Variants in PTGFR observed in about 807,000 individuals in gnomAD.
PTGFR encodes the protein prostaglandin F2-alpha receptor.
A neutral mutation model predicts 26.2 loss-of-function variants in PTGFR; 15 were observed. The observed-to-expected ratio is 0.57, with a 90% confidence interval of 0.38 to 0.88. The LOEUF is 0.88. Among genes scored for constraint, PTGFR ranks in the 40% least tolerant of loss-of-function variants. PTGFR has a pLI of 0.00. For synonymous variants in PTGFR, 165 were observed against 151.1 expected, an observed-to-expected ratio of 1.09 and a Z score of -0.68; for missense variants, 369 against 427.2, an observed-to-expected ratio of 0.86 and a Z score of 1.20.
chr1:78,526,197 AAGTGG>A (rs1170973352), intron 2 of PTGFR, among the ~76,000 whole-genome samples: 20 of 152,120 alleles, frequency 1.3e-4, no homozygotes, highest in African/African-American at 4.8e-4. Flanking sequence ...CTTTATTTTA[AAGTGG>A]TCTCCTATTC....
At chr1:78,525,792 C>T (rs1382317312) in intron 2 of PTGFR, among the ~76,000 whole-genome samples, 2 of 151,980 alleles carry the variant, frequency 1.3e-5, no homozygotes, top group Admixed American at 6.6e-5. Context: ...AGGTGTCCAC[C>T]AGAACTAATA....
In PTGFR at chr1:78,532,313, G is replaced by A. The variant is rs139525767; in HGVS notation, c.799-4093G>A. ...CTTATACATGGGTGCTGGCTCAGAC[G>A]TGACACCTGAGGCTCCAGAACTGGA... On this transcript the variant is annotated intron_variant, in intron 2 of 2. Coordinates refer to ENST00000370757, the MANE Select transcript of PTGFR (RefSeq NM_000959.4). The A allele has an allele frequency of 2.5e-3, 556 of 220,300 alleles. 2 individuals carry two copies. The highest frequency in any genetic ancestry group is 0.013 in the African/African-American group (522 of 40,336). 13.6% of individuals were successfully genotyped at this position (220,300 alleles called of 1,614,324 possible). A position where few individuals can be genotyped will look rare whatever the true frequency, so the allele number is the denominator to read the frequency against.
At chr1:78,532,378 A>ATAT (rs1650532236) in intron 2 of PTGFR, 1 of 134,734 alleles carries the variant, frequency 7.4e-6, no homozygotes. Context: ...ATATATATAT[A>ATAT]TATATATATA....
intron 2 of PTGFR, among the ~76,000 whole-genome samples, chr1:78,533,443 T>C (rs554305706): frequency 6.6e-6 from 1 of 152,318 alleles, no homozygotes; most frequent in African/African-American, 2.4e-5. Context: ...GATTCTGTCT[T>C]CTCATGAGAG....
chr1:78,521,146 T>G (rs1334695649), intron 2 of PTGFR, among the ~76,000 whole-genome samples: 2 of 152,108 alleles, frequency 1.3e-5, no homozygotes, highest in Non-Finnish European at 2.9e-5. Flanking sequence ...CTGCAACCTT[T>G]TAAGTAAGCC....
At chr1:78,535,050 C>T (rs985817100) in intron 2 of PTGFR, among the ~76,000 whole-genome samples, 6 of 152,134 alleles carry the variant, frequency 3.9e-5, no homozygotes, top group Non-Finnish European at 7.4e-5. Flanking sequence ...AGTGCTTGGG[C>T]AGTGCCCTAG....
chr1:78,538,719 CTT>C lies in PTGFR; in HGVS notation c.*2034_*2035del, dbSNP rs1051030318. The C allele has an allele frequency of 6.6e-6, 1 of 151,986 alleles. No individual in the cohort carries two copies. The highest frequency in any genetic ancestry group is 1.5e-5 in the Non-Finnish European group (1 of 67,990). The allele number at this position is 151,986 out of a possible 1,614,324, so 9.4% of individuals were successfully genotyped here. A position where few individuals can be genotyped will look rare whatever the true frequency, so the allele number is the denominator to read the frequency against. On this transcript the variant is annotated 3_prime_UTR_variant, in exon 3 of 3. Coordinates refer to ENST00000370757, the MANE Select transcript of PTGFR (RefSeq NM_000959.4). ...AATAGACTGGAACATCTACCAATAACTTTCACATAAATGTTCAAAATAGAAGT... is the reference window on the plus strand; with the variant it reads ...AATAGACTGGAACATCTACCAATAACTCACATAAATGTTCAAAATAGAAGT...
Position 78,536,876 on chromosome 1 carries a change from G to GT in PTGFR, c.*194dup, listed in dbSNP as rs1650671138. The stretch of plus-strand genomic sequence containing the variant: ...CAGGATAACTGTACATTTTTCACTT[G>GT]TTTTTGCCAATGGGAGGTAGACACA... On this transcript the variant is annotated 3_prime_UTR_variant, in exon 3 of 3. Transcript: ENST00000370757. The GT allele has an allele frequency of 1.6e-5, 11 of 673,810 alleles. No individual in the cohort carries two copies. In the South Asian group the frequency reaches 2.7e-4, roughly 16 times the overall value. The allele number at this position is 673,810 out of a possible 1,614,324, so 41.7% of individuals were successfully genotyped here.
chr1:78,525,000 C>A (rs1018320590), intron 2 of PTGFR, among the ~76,000 whole-genome samples: 3 of 139,304 alleles, frequency 2.2e-5, no homozygotes, highest in Non-Finnish European at 4.6e-5. Context: ...TCACATAAAT[C>A]CTCCAACTGC....
intron 2 of PTGFR, among the ~76,000 whole-genome samples, chr1:78,510,646 T>C (rs1649943858): frequency 6.6e-6 from 1 of 152,158 alleles, no homozygotes; most frequent in African/African-American, 2.4e-5. Context: ...ATTCCATCCC[T>C]GGCCCCCCCA....
intron 2 of PTGFR, among the ~76,000 whole-genome samples, chr1:78,506,274 G>A (rs964060874): frequency 2.0e-5 from 3 of 151,932 alleles, no homozygotes; most frequent in Admixed American, 6.6e-5. Flanking sequence ...TGTAGTTTGA[G>A]TTACATTTTC....
chr1:78,524,451 A>G (rs1650320056), intron 2 of PTGFR, among the ~76,000 whole-genome samples: 1 of 152,126 alleles, frequency 6.6e-6, no homozygotes, highest in Admixed American at 6.6e-5. Flanking sequence ...GAATATTTGC[A>G]TAGGCCAACT....
In PTGFR at chr1:78,517,488, A is replaced by G. The variant is rs192753460; in HGVS notation, c.799-18918A>G. Among the ~76,000 whole-genome samples the G allele has an allele frequency of 5.3e-4, 80 of 152,342 alleles. No homozygotes were observed. In the East Asian group the frequency reaches 6.2e-3, roughly 12 times the overall value. ...TATTTTAGATTAGATATTCAAGGAC[A>G]TCCTCACCATGAGCTTAGTCCTGAG... On this transcript the variant is annotated intron_variant, in intron 2 of 2. Transcript: ENST00000370757.
At chr1:78,511,240 T>C (rs1304909155) in intron 2 of PTGFR, among the ~76,000 whole-genome samples, 1 of 152,212 alleles carries the variant, frequency 6.6e-6, no homozygotes, top group Non-Finnish European at 1.5e-5. Context: ...TCCTCTGCAC[T>C]ACCCTAGTAG....
chr1:78,493,599 G>C, intron 2 of PTGFR, 58 bp downstream of exon 2: 6 of 1,452,466 alleles, frequency 4.1e-6, no homozygotes, highest in Non-Finnish European at 3.7e-6. Flanking sequence ...TCAATTCAAG[G>C]TTATCTGGAA....
At chr1:78,503,643 G>C (rs1250694861) in intron 2 of PTGFR, among the ~76,000 whole-genome samples, 1 of 152,160 alleles carries the variant, frequency 6.6e-6, no homozygotes, top group Non-Finnish European at 1.5e-5. Context: ...CATTTTGTCT[G>C]TGACCTTGCA....
chr1:78,518,775 A>G (rs1196977025), intron 2 of PTGFR, among the ~76,000 whole-genome samples: 1 of 152,126 alleles, frequency 6.6e-6, no homozygotes, highest in Non-Finnish European at 1.5e-5. Flanking sequence ...ATCATTTCAA[A>G]TGTGTAAAAC....
intron 2 of PTGFR, among the ~76,000 whole-genome samples, chr1:78,525,983 AT>A (rs1325404437): frequency 1.3e-5 from 2 of 152,090 alleles, no homozygotes; most frequent in African/African-American, 4.8e-5. Flanking sequence ...GAATTAGCAT[AT>A]TCTTATATTA....
At chr1:78,500,270 A>G (rs1649670253) in intron 2 of PTGFR, among the ~76,000 whole-genome samples, 1 of 152,224 alleles carries the variant, frequency 6.6e-6, no homozygotes, top group African/African-American at 2.4e-5. Context: ...CTGTACTGCT[A>G]TCAGACTAAA....
Sources: allele counts gnomAD v4.1 joint callset (sites outside exome capture counted in the v4.1 genomes callset), GRCh38; gene constraint gnomAD v4.1.1; transcripts MANE v1.5; gene names NCBI Gene and HGNC (gene_info 2026-07-23, HGNC 2026-07-21).